Variants in STXBP6 observed in about 807,000 individuals in gnomAD.
STXBP6 encodes the protein syntaxin-binding protein 6.
STXBP6 carries 21 observed loss-of-function variants against 26.9 expected under a neutral mutation model. That is an observed-to-expected ratio of 0.78 (90% CI 0.55 to 1.12). The LOEUF is 1.12. Among genes scored for constraint, STXBP6 ranks in the 50% most tolerant of loss-of-function variants. The probability of loss-of-function intolerance (pLI) is 0.00; values close to 1 mark genes in which losing one functional copy is unlikely to be tolerated. For missense variants in STXBP6, 232 were observed against 257.9 expected (o/e 0.90, Z 0.69); for synonymous variants, 97 against 92.6 (o/e 1.05, Z -0.27).
intron 2 of STXBP6, among the ~76,000 whole-genome samples, chr14:24,858,034 A>C (rs906017634): frequency 2.6e-5 from 4 of 152,182 alleles, no homozygotes; most frequent in African/African-American, 9.6e-5. Flanking sequence ...AAGGAACTAC[A>C]GAAAGTAGAA....
intron 2 of STXBP6, among the ~76,000 whole-genome samples, chr14:24,960,023 A>G (rs1011351828): frequency 6.6e-6 from 1 of 152,250 alleles, no homozygotes; most frequent in Admixed American, 6.5e-5. Flanking sequence ...TTCAGGTTCC[A>G]AAAGGGGAGC....
Position 25,049,965 on chromosome 14 carries a change from G to GGGGCTCC in STXBP6, c.-127_-121dup, listed in dbSNP as rs3081526. ...TCCTCCCCGGGGGGCTGCCCCGCGCGGGGCTCCGGGCTCCGGACAAGGCTT... is the reference window on the plus strand; with the variant it reads ...TCCTCCCCGGGGGGCTGCCCCGCGCGGGGCTCCGGGCTCCGGGCTCCGGACAAGGCTT... On this transcript the variant is annotated 5_prime_UTR_variant, in exon 1 of 6. Coordinates refer to ENST00000323944, the MANE Select transcript of STXBP6 (RefSeq NM_001394410.1). This position sits in a 1 kb window ranked among gnomAD's most constrained non-coding sequence, Gnocchi z 5.6. 0.14 allele frequency: 99,729 copies of GGGGCTCC among 725,074 alleles called. 9,783 individuals are homozygous for GGGGCTCC. The highest frequency in any genetic ancestry group is 0.25 in the East Asian group (1,793 of 7,316). 44.9% of individuals were successfully genotyped at this position (725,074 alleles called of 1,614,324 possible). A position where few individuals can be genotyped will look rare whatever the true frequency, so the allele number is the denominator to read the frequency against.
intron 2 of STXBP6, among the ~76,000 whole-genome samples, chr14:24,926,292 C>A (rs1316518700): frequency 1.3e-5 from 2 of 152,098 alleles, no homozygotes; most frequent in East Asian, 3.9e-4. Flanking sequence ...AAAATTGGGA[C>A]AAGAAGTGTG....
At chr14:25,012,432 C>T (rs545859592) in intron 1 of STXBP6, among the ~76,000 whole-genome samples, 1 of 152,026 alleles carries the variant, frequency 6.6e-6, no homozygotes, top group Admixed American at 6.6e-5. Flanking sequence ...TTGAGACCAG[C>T]CTGGCCAATA....
intron 5 of STXBP6, among the ~76,000 whole-genome samples, chr14:24,818,323 G>A (rs544420929): frequency 1.3e-5 from 2 of 152,288 alleles, no homozygotes; most frequent in African/African-American, 4.8e-5. Flanking sequence ...ATAGCTGGCT[G>A]CCAATAAAAA....
intron 1 of STXBP6, among the ~76,000 whole-genome samples, chr14:24,985,107 T>G (rs112869097): frequency 0.046 from 7,035 of 152,306 alleles, 596 homozygotes; most frequent in African/African-American, 0.16. Context: ...AAGTCATTCT[T>G]TCTGGATATC....
chr14:24,865,549 G>A (rs896672978), intron 2 of STXBP6, among the ~76,000 whole-genome samples: 3 of 152,090 alleles, frequency 2.0e-5, no homozygotes, highest in African/African-American at 7.2e-5. Context: ...TGTTTGTGAG[G>A]AAACTATCTG....
At position 24,898,546 on chromosome 14, in the gene STXBP6, A is replaced by G. The variant is rs536408029; in HGVS notation, c.155-41389T>C. The stretch of plus-strand genomic sequence containing the variant: ...ACAAAAACTAGCTGGGCGTGGTGGC[A>G]TGCGCCTATAGTCCCAGCTACTCGA... On this transcript the variant is annotated intron_variant, in intron 2 of 5. Coordinates refer to ENST00000323944, the MANE Select transcript of STXBP6 (RefSeq NM_001394410.1). 2.0e-5 allele frequency among the ~76,000 whole-genome samples: 3 copies of G among 152,216 alleles called. No homozygotes were observed. The East Asian group carries it at 5.8e-4, about 29-fold the overall frequency.
intron 2 of STXBP6, among the ~76,000 whole-genome samples, chr14:24,965,796 C>T (rs2073715553): frequency 6.6e-6 from 1 of 152,178 alleles, no homozygotes; most frequent in Admixed American, 6.5e-5. Flanking sequence ...CAACAGGTGC[C>T]TCTGACTATA....
chr14:24,848,855 G>T (rs2069050694), intron 4 of STXBP6, among the ~76,000 whole-genome samples: 1 of 152,142 alleles, frequency 6.6e-6, no homozygotes, highest in African/African-American at 2.4e-5. Context: ...ATGGCTGAAT[G>T]AGGAAATATG....
chr14:24,923,069 C>A (rs954888459), intron 2 of STXBP6, among the ~76,000 whole-genome samples: 16 of 152,092 alleles, frequency 1.1e-4, no homozygotes, highest in African/African-American at 3.6e-4. Context: ...ACAGCAAGCA[C>A]TACTGATGTC....
chr14:24,907,525 C>G (rs1014965413), intron 2 of STXBP6, among the ~76,000 whole-genome samples: 3 of 152,144 alleles, frequency 2.0e-5, no homozygotes, highest in African/African-American at 7.2e-5. Context: ...ATTTTGAAAT[C>G]AGAATTGCCA....
At chr14:24,959,705 C>A (rs890941544) in intron 2 of STXBP6, among the ~76,000 whole-genome samples, 7 of 152,146 alleles carry the variant, frequency 4.6e-5, no homozygotes, top group Non-Finnish European at 8.8e-5. Context: ...TAACAACTGA[C>A]AAAGGGCAAT....
intron 4 of STXBP6, among the ~76,000 whole-genome samples, chr14:24,847,567 A>C (rs2069005858): frequency 6.6e-6 from 1 of 152,184 alleles, no homozygotes; most frequent in African/African-American, 2.4e-5. Context: ...TAAATGTATG[A>C]GCATAATGCA....
At chr14:24,858,051 A>T (rs1428432716) in intron 2 of STXBP6, among the ~76,000 whole-genome samples, 1 of 152,152 alleles carries the variant, frequency 6.6e-6, no homozygotes. Flanking sequence ...AGAAATCATT[A>T]TTGGCTATAT....
rs567640480 is a variant in STXBP6 at position 25,024,462 on chromosome 14, C to T, written c.-33+25416G>A. Among the ~76,000 whole-genome samples the T allele has an allele frequency of 1.7e-4, 26 of 152,202 alleles. 1 individual carries two copies. The highest frequency in any genetic ancestry group is 4.1e-4 in the African/African-American group (17 of 41,528). On this transcript the variant is annotated intron_variant, in intron 1 of 5. Coordinates refer to ENST00000323944, the MANE Select transcript of STXBP6 (RefSeq NM_001394410.1). ...AAGTTAAAGGTAGTAAGTTCAAGAACGAACTTGATCCTGTGGGATCAGTTT... is the reference window on the plus strand; with the variant it reads ...AAGTTAAAGGTAGTAAGTTCAAGAATGAACTTGATCCTGTGGGATCAGTTT...
intron 1 of STXBP6, among the ~76,000 whole-genome samples, chr14:25,044,471 G>T (rs1325156661): frequency 3.9e-5 from 6 of 152,044 alleles, no homozygotes; most frequent in African/African-American, 1.4e-4. Context: ...ATGACTAATG[G>T]CACAGGAACA....
At chr14:24,972,332 G>C (rs1437291316) in intron 2 of STXBP6, among the ~76,000 whole-genome samples, 1 of 152,174 alleles carries the variant, frequency 6.6e-6, no homozygotes, top group Non-Finnish European at 1.5e-5. Flanking sequence ...TTCTATGGCA[G>C]GGGAAATGAA....
intron 2 of STXBP6, among the ~76,000 whole-genome samples, chr14:24,910,745 C>T (rs1258912894): frequency 6.6e-6 from 1 of 152,206 alleles, no homozygotes; most frequent in Non-Finnish European, 1.5e-5. Context: ...TCTAACTCTA[C>T]TGCTAATATC....
Sources: allele counts gnomAD v4.1 joint callset (sites outside exome capture counted in the v4.1 genomes callset), GRCh38; gene constraint gnomAD v4.1.1; non-coding constraint Gnocchi (gnomAD v3.1); transcripts MANE v1.5; gene names NCBI Gene and HGNC (gene_info 2026-07-23, HGNC 2026-07-21).